NEGR1: variants seen among roughly 807,000 people sequenced by gnomAD.
NEGR1 encodes neuronal growth regulator 1.
NEGR1 carries 10 observed loss-of-function variants against 40.9 expected under a neutral mutation model. The observed-to-expected ratio is 0.24, with a 90% CI of 0.15 to 0.42. NEGR1 has a LOEUF of 0.42. NEGR1 is among the 10% of genes least tolerant of loss of function. The pLI is 1.00. For missense variants in NEGR1, 352 were observed against 438.9 expected, an observed-to-expected ratio of 0.80 and a Z score of 1.77; for synonymous variants, 185 against 166.8, an observed-to-expected ratio of 1.11 and a Z score of -0.84.
intron 6 of NEGR1, among the ~76,000 whole-genome samples, chr1:71,451,556 A>T (rs1646628725): frequency 6.6e-6 from 1 of 151,948 alleles, no homozygotes; most frequent in Non-Finnish European, 1.5e-5. Flanking sequence ...GGCTGGTCTC[A>T]AACTCCTAAC....
intron 6 of NEGR1, among the ~76,000 whole-genome samples, chr1:71,507,273 G>A (rs2101410410): frequency 6.6e-6 from 1 of 152,316 alleles, no homozygotes; most frequent in South Asian, 2.1e-4. Context: ...TTAAGGTGCA[G>A]TTTACCAGAG....
intron 1 of NEGR1, among the ~76,000 whole-genome samples, chr1:71,978,539 G>C (rs939446275): frequency 6.6e-6 from 1 of 151,980 alleles, no homozygotes; most frequent in African/African-American, 2.4e-5. Context: ...ATTAAAAAGT[G>C]GGCAAAGGAC....
At chr1:72,044,886 G>A (rs1260928698) in intron 1 of NEGR1, among the ~76,000 whole-genome samples, 2 of 151,796 alleles carry the variant, frequency 1.3e-5, no homozygotes, top group African/African-American at 4.8e-5. Flanking sequence ...AGAAAGAATA[G>A]AGGAAATTCA....
At chr1:71,972,684 T>C (rs1646266498) in intron 1 of NEGR1, among the ~76,000 whole-genome samples, 1 of 152,200 alleles carries the variant, frequency 6.6e-6, no homozygotes, top group Non-Finnish European at 1.5e-5. Context: ...GGATACTATA[T>C]ATTCCACTAG....
intron 1 of NEGR1, among the ~76,000 whole-genome samples, chr1:72,080,541 A>G (rs893175512): frequency 6.6e-6 from 1 of 152,118 alleles, no homozygotes; most frequent in African/African-American, 2.4e-5. Context: ...TAAATTTTCT[A>G]AAAGTATAGT....
At chr1:71,662,716 A>C (rs954100413) in intron 4 of NEGR1, among the ~76,000 whole-genome samples, 1 of 151,394 alleles carries the variant, frequency 6.6e-6, no homozygotes, top group Non-Finnish European at 1.5e-5. Flanking sequence ...TAAAATAGAA[A>C]TGGAAATACA....
intron 4 of NEGR1, among the ~76,000 whole-genome samples, chr1:71,626,783 C>A (rs1462173775): frequency 6.6e-6 from 1 of 151,894 alleles, no homozygotes; most frequent in African/African-American, 2.4e-5. Flanking sequence ...CTACAATGAA[C>A]TCAAACAAAT....
Position 72,036,248 on chromosome 1 carries a change from T to C in NEGR1, c.177-100937A>G, listed in dbSNP as rs555811481. Reference sequence around the variant, plus strand: ...CTAGATATTTCATATAGCTTATTTATTTATATAGATGTGAATTTAGCTTTG... The same window carrying C: ...CTAGATATTTCATATAGCTTATTTACTTATATAGATGTGAATTTAGCTTTG... On this transcript the variant is annotated intron_variant, in intron 1 of 6. Coordinates refer to ENST00000357731, the MANE Select transcript of NEGR1 (RefSeq NM_173808.3). 9.0e-4 allele frequency among the ~76,000 whole-genome samples: 137 copies of C among 152,264 alleles called. 1 individual carries two copies. Among genetic ancestry groups the C allele is most frequent in the Non-Finnish European group, 1.3e-3 (87 of 68,018 alleles).
chr1:71,697,012 G>A (rs1653498985), intron 4 of NEGR1, among the ~76,000 whole-genome samples: 1 of 151,790 alleles, frequency 6.6e-6, no homozygotes, highest in Non-Finnish European at 1.5e-5. Flanking sequence ...TTGCTCTGGT[G>A]TACAGCTCAA....
rs770662433 is a variant in NEGR1 at position 71,592,982 on chromosome 1, T to C, written c.789-14A>G. The stretch of plus-strand genomic sequence containing the variant: ...CCATTGAAGAGCCTAGAAGACAAAA[T>C]AAGCTCTAGGTAAATATGTATTGTG... On this transcript the variant is annotated splice_polypyrimidine_tract_variant and intron_variant, in intron 5 of 6. Coordinates refer to ENST00000357731, the MANE Select transcript of NEGR1 (RefSeq NM_173808.3). The C allele has an allele frequency of 5.0e-6, 8 of 1,598,060 alleles. No individual in the cohort carries two copies. In the Middle Eastern group the frequency reaches 6.7e-4, roughly 133 times the overall value.
chr1:71,454,255 G>A (rs1018456541), intron 6 of NEGR1, among the ~76,000 whole-genome samples: 2 of 152,060 alleles, frequency 1.3e-5, no homozygotes, highest in African/African-American at 4.8e-5. Context: ...ATTTTTACTA[G>A]AGTGGATTTT....
intron 3 of NEGR1, among the ~76,000 whole-genome samples, chr1:71,772,167 A>G (rs533134231): frequency 6.6e-6 from 1 of 152,174 alleles, no homozygotes; most frequent in East Asian, 1.9e-4. Flanking sequence ...ATCTCATGAG[A>G]AAATATGAGA....
chr1:71,461,964 C>G (rs1400697397), intron 6 of NEGR1: 1 of 152,172 alleles, frequency 6.6e-6, no homozygotes, highest in Non-Finnish European at 1.5e-5. Flanking sequence ...AGTGGCAGAA[C>G]AACTGGCAGA....
At chr1:72,244,288 A>G (rs1048149291) in intron 1 of NEGR1, among the ~76,000 whole-genome samples, 1 of 151,854 alleles carries the variant, frequency 6.6e-6, no homozygotes, top group African/African-American at 2.4e-5. Context: ...AAGGTCAACT[A>G]TCGAAGAAAT....
At chr1:71,746,504 A>G (rs1039274349) in intron 3 of NEGR1, among the ~76,000 whole-genome samples, 10 of 152,066 alleles carry the variant, frequency 6.6e-5, no homozygotes, top group Non-Finnish European at 1.5e-4. Flanking sequence ...TAAAGTGCCA[A>G]TTATCTTCAA....
At chr1:71,585,178 T>C (rs1002609207) in intron 6 of NEGR1, among the ~76,000 whole-genome samples, 4 of 152,098 alleles carry the variant, frequency 2.6e-5, no homozygotes, top group African/African-American at 9.7e-5. Context: ...GGTAAAAATA[T>C]TGGCAGCACT....
At chr1:71,719,564 T>C (rs996340188) in intron 3 of NEGR1, among the ~76,000 whole-genome samples, 2 of 152,038 alleles carry the variant, frequency 1.3e-5, no homozygotes, top group Admixed American at 1.3e-4. Flanking sequence ...AGACCTTCCA[T>C]GGTCACTGAG....
intron 2 of NEGR1, among the ~76,000 whole-genome samples, chr1:71,930,600 AATG>A (rs1158235091): frequency 1.3e-5 from 2 of 152,196 alleles, no homozygotes; most frequent in African/African-American, 4.8e-5. Flanking sequence ...ATTAATAATA[AATG>A]ATGTTTGAAT....
intron 2 of NEGR1, among the ~76,000 whole-genome samples, chr1:71,871,887 T>G (rs1660289472): frequency 6.6e-6 from 1 of 152,212 alleles, no homozygotes; most frequent in South Asian, 2.1e-4. Flanking sequence ...TATTTGAGAT[T>G]AACTGAAATA....
Sources: gnomAD v4.1 joint callset for allele counts (sites outside exome capture counted in the v4.1 genomes callset) on GRCh38, gnomAD v4.1.1 for gene constraint, MANE v1.5 for transcripts, NCBI Gene and HGNC (gene_info 2026-07-23, HGNC 2026-07-21) for gene names.